ROBO2: variants seen among roughly 807,000 people sequenced by gnomAD.
The protein encoded by ROBO2 is roundabout guidance receptor 2.
A neutral mutation model predicts 160.8 loss-of-function variants in ROBO2; 53 were observed. That is an observed-to-expected ratio of 0.33 (90% CI 0.26 to 0.41). The LOEUF is 0.41. Ranked by LOEUF, ROBO2 falls within the 10% of genes least tolerant of loss-of-function variation. ROBO2 has a pLI of 1.00. For synonymous variants in ROBO2, 664 were observed against 611.7 expected (o/e 1.09, Z -1.26); for missense variants, 1,577 against 1,722.4 (o/e 0.92, Z 1.49).
chr3:77,131,023 AAT>A (rs1425540461), intron 2 of ROBO2, among the ~76,000 whole-genome samples: 1 of 152,082 alleles, frequency 6.6e-6, no homozygotes, highest in African/African-American at 2.4e-5. Context: ...TTTCCTTTGA[AAT>A]ATATATATTA....
intron 2 of ROBO2, among the ~76,000 whole-genome samples, chr3:77,202,776 T>C (rs930727609): frequency 6.6e-6 from 1 of 152,132 alleles, no homozygotes; most frequent in Admixed American, 6.6e-5. Flanking sequence ...ATATTTATTA[T>C]AGTGCCTATC....
rs1364431015 is a variant in ROBO2 at position 76,141,159 on chromosome 3, C to CTCTATATA, written c.109+203558_109+203559insCTATATAT. ...TCTCTCTCTCTCTCTCTCTCTCTCTCTATATATATATATATATATATATAT... is the reference window on the plus strand; with the variant it reads ...TCTCTCTCTCTCTCTCTCTCTCTCTCTCTATATATATATATATATATATATATATATAT... On this transcript the variant is annotated intron_variant, in intron 2 of 26. Coordinates refer to the ROBO2 transcript ENST00000487694. Among the ~76,000 whole-genome samples the CTCTATATA allele has an allele frequency of 7.6e-4, 7 of 9,176 alleles. 1 individual carries two copies. The highest frequency in any genetic ancestry group is 7.6e-3 in the East Asian group (1 of 132). 6.0% of individuals were successfully genotyped at this position (9,176 alleles called of 152,430 possible).
At chr3:76,903,926 T>C (rs1368320656) in intron 2 of ROBO2, among the ~76,000 whole-genome samples, 1 of 134,252 alleles carries the variant, frequency 7.4e-6, no homozygotes, top group Non-Finnish European at 1.6e-5. Flanking sequence ...GGACTTGTAC[T>C]TGGGAAGAAA....
chr3:76,610,759 T>C (rs988897880), intron 2 of ROBO2, among the ~76,000 whole-genome samples: 9 of 151,038 alleles, frequency 6.0e-5, no homozygotes, highest in African/African-American at 2.2e-4. Flanking sequence ...CACAGCTCTC[T>C]TTCTCCTGTG....
chr3:77,630,210 T>C (rs567671328), intron 23 of ROBO2: 4 of 152,314 alleles, frequency 2.6e-5, no homozygotes, highest in Non-Finnish European at 5.9e-5. Context: ...TGAGGACTAA[T>C]ACACAGCAGG....
chr3:76,783,989 T>C (rs1458097478), intron 2 of ROBO2, among the ~76,000 whole-genome samples: 1 of 151,214 alleles, frequency 6.6e-6, no homozygotes, highest in Non-Finnish European at 1.5e-5. Context: ...TTTTTCTACA[T>C]AATTAAATAT....
At position 75,928,901 on chromosome 3, in the gene ROBO2, T is replaced by TGTGA. The variant is rs1300337865; in HGVS notation, c.-13-8579_-13-8578insTGAG. On this transcript the variant is annotated intron_variant, in intron 1 of 26. Transcript: ENST00000487694. ...GTGTGTGTGTGTGTGTGTGTGTGTG[T>TGTGA]GATAGCTGATGATTATAGAATGATC... Among the ~76,000 whole-genome samples, 5 of 108,630 alleles carry TGTGA rather than the reference T, an allele frequency of 4.6e-5. No homozygotes were observed. In the East Asian group the frequency reaches 1.1e-3, roughly 24 times the overall value. The allele number at this position is 108,630 out of a possible 152,430, so 71.3% of individuals were successfully genotyped here.
At chr3:77,024,126 A>G (rs958283464) in intron 2 of ROBO2, among the ~76,000 whole-genome samples, 9 of 152,216 alleles carry the variant, frequency 5.9e-5, no homozygotes, top group East Asian at 3.9e-4. Flanking sequence ...AGATTTACTT[A>G]GCTATCTTAC....
chr3:76,314,032 G>A (rs2071793173), intron 2 of ROBO2, among the ~76,000 whole-genome samples: 1 of 152,130 alleles, frequency 6.6e-6, no homozygotes. Flanking sequence ...TGGAAAAAAG[G>A]CAGATTATTG....
intron 4 of ROBO2, among the ~76,000 whole-genome samples, chr3:77,485,947 G>T (rs2085299600): frequency 6.6e-6 from 1 of 151,884 alleles, no homozygotes; most frequent in Non-Finnish European, 1.5e-5. Context: ...ATGCCCTTTT[G>T]ACAGGCTCCA....
chr3:77,120,324 G>T (rs951084920), intron 2 of ROBO2, among the ~76,000 whole-genome samples: 4 of 152,266 alleles, frequency 2.6e-5, no homozygotes, highest in Middle Eastern at 3.4e-3. Context: ...GACCTAAAAA[G>T]ATTTAGGCAT....
Position 76,263,664 on chromosome 3 carries a change from A to G in ROBO2, c.109+326062A>G, listed in dbSNP as rs41371645. 3.5e-3 allele frequency among the ~76,000 whole-genome samples: 532 copies of G among 152,300 alleles called. 6 individuals are homozygous for G. Among genetic ancestry groups the G allele is most frequent in the Admixed American group, 0.025 (381 of 15,290 alleles). ...AGTTCCACTTTACAGGTTTATTGCAATGACAAAATGGGACAATTCATGATA... is the reference window on the plus strand; with the variant it reads ...AGTTCCACTTTACAGGTTTATTGCAGTGACAAAATGGGACAATTCATGATA... On this transcript the variant is annotated intron_variant, in intron 2 of 26. Transcript: ENST00000487694.
At chr3:76,400,125 T>C (rs559460564) in intron 2 of ROBO2, among the ~76,000 whole-genome samples, 5 of 151,812 alleles carry the variant, frequency 3.3e-5, no homozygotes, top group African/African-American at 1.2e-4. Context: ...CTGGTACCCA[T>C]GGTACCTTAA....
At chr3:76,158,191 C>G (rs1331040669) in intron 2 of ROBO2, among the ~76,000 whole-genome samples, 2 of 152,056 alleles carry the variant, frequency 1.3e-5, no homozygotes, top group East Asian at 3.9e-4. Flanking sequence ...TGGAAGTCAC[C>G]TAATCTACAT....
intron 5 of ROBO2, among the ~76,000 whole-genome samples, chr3:77,501,195 C>CTTA (rs2087547494): frequency 6.6e-6 from 1 of 152,092 alleles, no homozygotes; most frequent in South Asian, 2.1e-4. Flanking sequence ...AAGCCAGAGG[C>CTTA]TTACCAGAAG....
chr3:76,631,424 G>GA (rs72374675), intron 2 of ROBO2, among the ~76,000 whole-genome samples: 1,700 of 146,648 alleles, frequency 0.012, 16 homozygotes, highest in Non-Finnish European at 0.019. Context: ...TGTACGGGTA[G>GA]AAAAAAAAAA....
chr3:77,017,398 A>G (rs1426755252), intron 2 of ROBO2, among the ~76,000 whole-genome samples: 1 of 152,244 alleles, frequency 6.6e-6, no homozygotes, highest in Non-Finnish European at 1.5e-5. Context: ...TGACCCCATC[A>G]GAGATAGCTC....
chr3:76,217,906 A>G (rs1419486563), intron 2 of ROBO2, among the ~76,000 whole-genome samples: 1 of 152,184 alleles, frequency 6.6e-6, no homozygotes, highest in Non-Finnish European at 1.5e-5. Flanking sequence ...TGATGCAAAA[A>G]TCCTCAATAA....
At chr3:76,008,072 A>G (rs1222318357) in intron 2 of ROBO2, among the ~76,000 whole-genome samples, 1 of 151,870 alleles carries the variant, frequency 6.6e-6, no homozygotes, top group Non-Finnish European at 1.5e-5. Context: ...CAACTCTACT[A>G]AAAATATACA....
Sources: gnomAD v4.1 joint callset for allele counts (sites outside exome capture counted in the v4.1 genomes callset) on GRCh38, gnomAD v4.1.1 for gene constraint, MANE v1.5 for transcripts, NCBI Gene and HGNC (gene_info 2026-07-23, HGNC 2026-07-21) for gene names.